The following RASGRP2 variants were observed in gnomAD, a reference collection of about 807,000 sequenced individuals.
RASGRP2 encodes the protein RAS guanyl-releasing protein 2.
RASGRP2 carries 44 observed loss-of-function variants against 71.0 expected under a neutral mutation model. The observed-to-expected ratio is 0.62, with a 90% CI of 0.49 to 0.80. RASGRP2 has a LOEUF of 0.80. Among genes scored for constraint, RASGRP2 ranks in the 30% least tolerant of loss-of-function variants. The pLI, the probability that RASGRP2 is intolerant of heterozygous loss-of-function variation, is 0.00. For missense variants in RASGRP2, 663 were observed against 813.4 expected (o/e 0.82, Z 2.25); for synonymous variants, 350 against 330.7 (o/e 1.06, Z -0.63).
chr11:64,740,024 A>G lies in RASGRP2; in HGVS notation c.511T>C (p.Cys171Arg), dbSNP rs144822791. ...HLTYLEYRSFCKILFQDYHSF... is the reference protein window; with the variant it reads ...HLTYLEYRSFRKILFQDYHSF... ...CCCTCGGGCCGCACCAGGATCTTGC[A>G]GAAGGAGCGATACTCCAAGTAGGTG... Residue 171 changes from cysteine (C) to arginine (R), a missense_variant, in exon 6 of 17, where the codon TGC (cysteine) becomes CGC (arginine). Transcript: ENST00000394432. The G allele has an allele frequency of 8.1e-6, 13 of 1,614,002 alleles. No homozygotes were observed. The highest frequency in any genetic ancestry group is 5.3e-5 in the African/African-American group (4 of 74,908).
intron 12 of RASGRP2, among the ~76,000 whole-genome samples, chr11:64,731,981 G>A (rs2057779154): frequency 6.6e-6 from 1 of 152,178 alleles, no homozygotes; most frequent in South Asian, 2.1e-4. Context: ...GTAAAAGGAC[G>A]TTCATGGCAG....
Position 64,744,039 on chromosome 11 carries a change from A to T in RASGRP2, c.-108T>A. The T allele has an allele frequency of 1.0e-6, 1 of 988,210 alleles. No homozygotes were observed. The highest frequency in any genetic ancestry group is 4.5e-5 in the South Asian group (1 of 22,212). The allele number at this position is 988,210 out of a possible 1,614,324, so 61.2% of individuals were successfully genotyped here. A position where few individuals can be genotyped will look rare whatever the true frequency, so the allele number is the denominator to read the frequency against. ...ACCCCAGAATGCAAACCCGCGGACG[A>T]GGTCGCCTCCTGGACGTGCTGTTCA... On this transcript the variant is annotated 5_prime_UTR_variant, in exon 1 of 17. Coordinates refer to ENST00000394432, the MANE Select transcript of RASGRP2 (RefSeq NM_001098671.2).
Position 64,729,006 on chromosome 11 carries a change from C to T in RASGRP2, c.1628G>A (p.Arg543His), listed in dbSNP as rs1230092189. The T allele has an allele frequency of 1.9e-6, 3 of 1,605,766 alleles. No individual in the cohort carries two copies. The highest frequency in any genetic ancestry group is 1.1e-5 in the South Asian group (1 of 90,580). ...GVNCHKQCKD[R>H]LSVECRRRAQ... ...CCTGCGCCGACACTCAACTGACAGG[C>T]GATCCTTGCACTGCTTGTGGCAGTT... Residue 543 changes from arginine to histidine, a missense_variant, in exon 15 of 17, where the codon CGC becomes CAC. Physicochemically the swap from Arg to His is conservative, Grantham distance 29. Coordinates refer to ENST00000394432, the MANE Select transcript of RASGRP2 (RefSeq NM_001098671.2).
At position 64,730,144 on chromosome 11, in the gene RASGRP2, C is replaced by A; in HGVS notation, c.1463G>T (p.Ser488Ile). The change falls in exon 13 of 17, where the codon AGC becomes ATC. Residue 488 changes from serine (S) to isoleucine (I), a missense_variant. Physicochemically the swap from Ser to Ile is moderately radical, Grantham distance 142. Transcript: ENST00000394432. ...EEMVSYFLRS[S>I]SVLGGRMGFV... ...GCCCATGCGCCCCCCCAACACAGAG[C>A]TGGAGCGCAGGAAATAGGAAACCAT... 6.4e-7 allele frequency: 1 copy of A among 1,551,606 alleles called. No homozygotes were observed. The highest frequency in any genetic ancestry group is 8.7e-7 in the Non-Finnish European group (1 of 1,147,030).
At position 64,742,471 on chromosome 11, in the gene RASGRP2, C is replaced by T. The variant is rs988941376; in HGVS notation, c.73+323G>A. On this transcript the variant is annotated intron_variant, in intron 2 of 16. Coordinates refer to ENST00000394432, the MANE Select transcript of RASGRP2 (RefSeq NM_001098671.2). This position sits in a 1 kb window ranked among gnomAD's most constrained non-coding sequence, Gnocchi z 4.7. ...ACCAGATAAGCCGCCCCCCATTAGC[C>T]GGAAACAGCTCCCAGGCCGGAGATA... 1.8e-6 allele frequency: 1 copy of T among 565,438 alleles called. No individual in the cohort carries two copies. Among genetic ancestry groups the T allele is most frequent in the Non-Finnish European group, 3.2e-6 (1 of 315,166 alleles). The allele number at this position is 565,438 out of a possible 1,614,324, so 35.0% of individuals were successfully genotyped here.
At position 64,739,619 on chromosome 11, in the gene RASGRP2, G is replaced by A; in HGVS notation, c.696+17C>T. On this transcript the variant is annotated intron_variant, in intron 7 of 16. Transcript: ENST00000394432. This position sits in a 1 kb window ranked among gnomAD's most constrained non-coding sequence, Gnocchi z 4.2. ...ATGTGGGGTGGTTGGGAGACACCGG[G>A]AGGGAGGGGCAGGCACCTCCGCCAC... 6.2e-7 allele frequency: 1 copy of A among 1,612,974 alleles called. No homozygotes were observed.
rs1000200549 is a variant in RASGRP2 at position 64,740,952 on chromosome 11, T to C, written c.367A>G (p.Ser123Gly). 4 of 1,613,176 alleles carry C rather than the reference T, an allele frequency of 2.5e-6. No individual in the cohort carries two copies. The highest frequency in any genetic ancestry group is 2.7e-5 in the African/African-American group (2 of 74,664). Residue 123 changes from serine (S) to glycine (G), a missense_variant, in exon 5 of 17, where the codon AGC becomes GGC. Transcript: ENST00000394432. ...RRHSSLIDID[S>G]VPTYKWKRQV... Reference sequence around the variant, plus strand: ...CTCTGTGCTCCCCCCACGCACACGCTGTCTATGTCGATTAGGCTGCTGTGC... The same window carrying C: ...CTCTGTGCTCCCCCCACGCACACGCCGTCTATGTCGATTAGGCTGCTGTGC...
At position 64,739,623 on chromosome 11, in the gene RASGRP2, G is replaced by T; in HGVS notation, c.696+13C>A. ...GGGGTGGTTGGGAGACACCGGGAGG[G>T]AGGGGCAGGCACCTCCGCCACGTGG... On this transcript the variant is annotated intron_variant, in intron 7 of 16. Transcript: ENST00000394432. The surrounding 1 kb of genome is among the most constrained non-coding windows in gnomAD (Gnocchi z 4.2). 5 of 1,612,946 alleles carry T rather than the reference G, an allele frequency of 3.1e-6. No individual in the cohort carries two copies. Among genetic ancestry groups the T allele is most frequent in the Non-Finnish European group, 4.2e-6 (5 of 1,179,114 alleles).
At chr11:64,732,367 A>G (rs2057789715) in intron 12 of RASGRP2, among the ~76,000 whole-genome samples, 1 of 152,122 alleles carries the variant, frequency 6.6e-6, no homozygotes, top group Admixed American at 6.5e-5. Flanking sequence ...TACTAAAAAT[A>G]CAAAAATTAG....
intron 3 of RASGRP2, 32 bp downstream of exon 3, chr11:64,741,978 G>T: frequency 6.3e-7 from 1 of 1,579,110 alleles, no homozygotes; most frequent in Non-Finnish European, 8.6e-7. Context: ...GGCTCCGACG[G>T]CGGGGGCCTT....
intron 16 of RASGRP2, 81 bp from the exon 17 acceptor site, chr11:64,727,212 A>G: frequency 7.9e-7 from 1 of 1,267,928 alleles, no homozygotes; most frequent in Non-Finnish European, 1.1e-6. Context: ...AGCCATTTGG[A>G]TAAAGCACCC....
At position 64,727,329 on chromosome 11, in the gene RASGRP2, C is replaced by T; in HGVS notation, c.1803G>A (p.Glu601=). The T allele has an allele frequency of 6.2e-7, 1 of 1,613,974 alleles. No homozygotes were observed. The highest frequency in any genetic ancestry group is 8.5e-7 in the Non-Finnish European group (1 of 1,179,940). Residue 601 remains glutamate (E), a synonymous_variant, in exon 16 of 17, where the codon GAG becomes GAA. Coordinates refer to ENST00000394432, the MANE Select transcript of RASGRP2 (RefSeq NM_001098671.2). ...EIREEEVQTV[E]DGVFDIHL is the part of the protein sequence containing the mutation. ...ACAAGTGGATGTCAAACACCCCATC[C>T]TCCACCGTCTGTACCTCCTCCTCAC... is the stretch of plus-strand genomic sequence containing the variant.
In RASGRP2 at chr11:64,739,678, C is replaced by A. The variant is rs549206982; in HGVS notation, c.654G>T (p.Pro218=). 1 of 1,613,926 alleles carries A rather than the reference C, an allele frequency of 6.2e-7. No individual in the cohort carries two copies. Residue 218 remains proline (P), a synonymous_variant, in exon 7 of 17, where the codon CCG becomes CCT. Coordinates refer to ENST00000394432, the MANE Select transcript of RASGRP2 (RefSeq NM_001098671.2). The surrounding 1 kb of genome is among the most constrained non-coding windows in gnomAD (Gnocchi z 4.2). The stretch of plus-strand genomic sequence containing the variant: ...AGTGTGTGATGACCAGGGCCCGCTG[C>A]GGGGCTGTGGGTTTGCTGAGGATCA... ...QLMILSKPTA[P]QRALVITHFV... is the part of the protein sequence containing the mutation.
Position 64,727,140 on chromosome 11 carries a change from A to AG in RASGRP2, c.*7-10dup. On this transcript the variant is annotated splice_polypyrimidine_tract_variant and intron_variant, in intron 16 of 16. Coordinates refer to ENST00000394432, the MANE Select transcript of RASGRP2 (RefSeq NM_001098671.2). ...CCTTGATCCAACCACAGCTGGGAAG[A>AG]GAAAAACAGGTTGTGAGGAAGACAC... 1.5e-6 allele frequency: 1 copy of AG among 654,522 alleles called. No individual in the cohort carries two copies. The highest frequency in any genetic ancestry group is 1.6e-5 in the South Asian group (1 of 62,994). The allele number at this position is 654,522 out of a possible 1,614,324, so 40.5% of individuals were successfully genotyped here.
chr11:64,740,795 A>G (rs2058096076), intron 5 of RASGRP2, 153 bp downstream of exon 5: 1 of 975,894 alleles, frequency 1.0e-6, no homozygotes, highest in Non-Finnish European at 1.6e-6. Context: ...AGCTGCCCAG[A>G]GGAGGCATGT....
At chr11:64,738,037 C>A (rs1199049265) in intron 8 of RASGRP2, among the ~76,000 whole-genome samples, 1 of 151,888 alleles carries the variant, frequency 6.6e-6, no homozygotes, top group East Asian at 1.9e-4. Context: ...GAGACAGACT[C>A]CATCTCAAAA....
At position 64,735,678 on chromosome 11, in the gene RASGRP2, C is replaced by G. The variant is rs564246353; in HGVS notation, c.1174-14G>C. 5 of 1,604,388 alleles carry G rather than the reference C, an allele frequency of 3.1e-6. No individual in the cohort carries two copies. Among genetic ancestry groups the G allele is most frequent in the Non-Finnish European group, 4.3e-6 (5 of 1,176,424 alleles). On this transcript the variant is annotated splice_polypyrimidine_tract_variant and intron_variant, in intron 10 of 16. Coordinates refer to ENST00000394432, the MANE Select transcript of RASGRP2 (RefSeq NM_001098671.2). This position sits in a 1 kb window ranked among gnomAD's most constrained non-coding sequence, Gnocchi z 4.2. Reference sequence around the variant, plus strand: ...GGGGCTGGTTGGCTATGGAAATGGTCGGGCCTGAGCTAGGGCCAGAGGCAG... The same window carrying G: ...GGGGCTGGTTGGCTATGGAAATGGTGGGGCCTGAGCTAGGGCCAGAGGCAG...
Position 64,739,140 on chromosome 11 carries a change from TAA to T in RASGRP2, c.813+218_813+219del, listed in dbSNP as rs765864450. 4.4e-4 allele frequency among the ~76,000 whole-genome samples: 59 copies of T among 134,758 alleles called. No homozygotes were observed. The highest frequency in any genetic ancestry group is 4.4e-4 in the Admixed American group (6 of 13,498). The allele number at this position is 134,758 out of a possible 152,430, so 88.4% of individuals were successfully genotyped here. A position where few individuals can be genotyped will look rare whatever the true frequency, so the allele number is the denominator to read the frequency against. ...GACAACAGAGAGAGAGACCCTGTCTTAAAAAAAAAAAAAAAAGTACTAGCTTT... is the reference window on the plus strand; with the variant it reads ...GACAACAGAGAGAGAGACCCTGTCTTAAAAAAAAAAAAAAGTACTAGCTTT... On this transcript the variant is annotated intron_variant, in intron 8 of 16. Coordinates refer to ENST00000394432, the MANE Select transcript of RASGRP2 (RefSeq NM_001098671.2). The surrounding 1 kb of genome is among the most constrained non-coding windows in gnomAD (Gnocchi z 4.2).
At chr11:64,733,882 C>T (rs2057846430) in intron 12 of RASGRP2, among the ~76,000 whole-genome samples, 1 of 141,330 alleles carries the variant, frequency 7.1e-6, no homozygotes. Context: ...GGGGTGATCT[C>T]GCGCAGTCAC....
Sources: allele counts gnomAD v4.1 joint callset (sites outside exome capture counted in the v4.1 genomes callset), GRCh38; gene constraint gnomAD v4.1.1; non-coding constraint Gnocchi (gnomAD v3.1); transcripts MANE v1.5; gene names NCBI Gene and HGNC (gene_info 2026-07-23, HGNC 2026-07-21).